Variants in COL22A1 observed in about 807,000 individuals in gnomAD.
The protein encoded by COL22A1 is collagen type XXII alpha 1 chain.
A neutral mutation model predicts 248.9 loss-of-function variants in COL22A1; 221 were observed. That is an observed-to-expected ratio of 0.89 (90% CI 0.80 to 0.99). COL22A1 has a LOEUF of 0.99. Among genes scored for constraint, COL22A1 ranks in the 50% least tolerant of loss-of-function variants. The pLI is 0.00. For synonymous variants in COL22A1, 891 were observed against 793.4 expected, an observed-to-expected ratio of 1.12 and a Z score of -2.07; for missense variants, 2,240 against 2,179.0, an observed-to-expected ratio of 1.03 and a Z score of -0.56.
chr8:138,606,796 G>A (rs1456841596), intron 57 of COL22A1, among the ~76,000 whole-genome samples: 12 of 152,190 alleles, frequency 7.9e-5, no homozygotes, highest in Admixed American at 7.9e-4. Context: ...CTGCCCATGA[G>A]GCGGCCAAAG....
At chr8:138,599,954 T>G (rs549759917) in intron 60 of COL22A1, among the ~76,000 whole-genome samples, 26 of 152,188 alleles carry the variant, frequency 1.7e-4, no homozygotes, top group Non-Finnish European at 3.5e-4. Context: ...GGCCTGGTTT[T>G]GCTCTCTAGA....
At position 138,715,655 on chromosome 8, in the gene COL22A1, G is replaced by T. The variant is rs781072637; in HGVS notation, c.2517+27C>A. The T allele has an allele frequency of 3.8e-6, 6 of 1,572,300 alleles. 1 individual carries two copies. The South Asian group carries it at 4.6e-5, about 12-fold the overall frequency. The stretch of plus-strand genomic sequence containing the variant: ...AAAACCCAACTAATAATAATTGATG[G>T]TCAGAATGAGAGCAAGTTTCTCCTA... On this transcript the variant is annotated intron_variant, in intron 30 of 64. Coordinates refer to ENST00000303045, the MANE Select transcript of COL22A1 (RefSeq NM_152888.3).
chr8:138,882,739 AACTCACACACATTCCCTCTC>A (rs1255217523), intron 2 of COL22A1, among the ~76,000 whole-genome samples: 1 of 148,070 alleles, frequency 6.8e-6, no homozygotes, highest in African/African-American at 2.5e-5. Context: ...CTCTTCCTCA[AACTCACACACATTCCCTCTC>A]ACTCCCTCGC....
At chr8:138,792,239 T>A (rs979461041) in intron 12 of COL22A1, among the ~76,000 whole-genome samples, 2 of 152,180 alleles carry the variant, frequency 1.3e-5, no homozygotes, top group African/African-American at 4.8e-5. Context: ...CTCTAGGCCC[T>A]TGTCTAGGCA....
At chr8:138,813,386 TA>T (rs1164648012) in intron 7 of COL22A1, among the ~76,000 whole-genome samples, 1 of 152,248 alleles carries the variant, frequency 6.6e-6, no homozygotes, top group Non-Finnish European at 1.5e-5. Flanking sequence ...GATGGTTTTA[TA>T]AGGGGTTTCC....
intron 1 of COL22A1, among the ~76,000 whole-genome samples, chr8:138,892,948 G>A (rs1586982154): frequency 6.6e-6 from 1 of 152,194 alleles, no homozygotes; most frequent in African/African-American, 2.4e-5. Context: ...TGGGACATAA[G>A]AGCATAGTAT....
chr8:138,735,801 CTAG>C (rs1373915976), intron 23 of COL22A1, among the ~76,000 whole-genome samples: 4 of 152,196 alleles, frequency 2.6e-5, no homozygotes, highest in Non-Finnish European at 5.9e-5. Flanking sequence ...CCATCTTTCA[CTAG>C]AGTGCTTTCA....
At chr8:138,907,364 C>T (rs759989749) in intron 1 of COL22A1, among the ~76,000 whole-genome samples, 4 of 152,192 alleles carry the variant, frequency 2.6e-5, no homozygotes, top group Admixed American at 6.5e-5. Context: ...ATAGTGTGAG[C>T]ATTTATTGGT....
chr8:138,759,958 T>G (rs1206165302), intron 18 of COL22A1, among the ~76,000 whole-genome samples: 1 of 151,906 alleles, frequency 6.6e-6, no homozygotes, highest in East Asian at 1.9e-4. Flanking sequence ...TTAATACATC[T>G]AAATATTATA....
At chr8:138,676,786 C>T (rs1341132093) in intron 40 of COL22A1, 151 bp from the exon 41 acceptor site, 2 of 605,974 alleles carry the variant, frequency 3.3e-6, no homozygotes, top group Non-Finnish European at 5.9e-6. Flanking sequence ...ACCCAGGCAG[C>T]CCATCATCCC....
rs1327636071 is a variant in COL22A1 at position 138,796,263 on chromosome 8, T to C, written c.1596+556A>G. Among the ~76,000 whole-genome samples, 3 of 152,228 alleles carry C rather than the reference T, an allele frequency of 2.0e-5. No individual in the cohort carries two copies. The East Asian group carries it at 5.8e-4, about 29-fold the overall frequency. On this transcript the variant is annotated intron_variant, in intron 12 of 64. Coordinates refer to ENST00000303045, the MANE Select transcript of COL22A1 (RefSeq NM_152888.3). ...ACTGCAGGTAAAAGAAGGTGCAACATGCATAGCTGGGGAGAACATCTTTAT... is the reference window on the plus strand; with the variant it reads ...ACTGCAGGTAAAAGAAGGTGCAACACGCATAGCTGGGGAGAACATCTTTAT...
At chr8:138,906,137 G>A (rs868597389) in intron 1 of COL22A1, among the ~76,000 whole-genome samples, 1 of 152,152 alleles carries the variant, frequency 6.6e-6, no homozygotes, top group Non-Finnish European at 1.5e-5. Flanking sequence ...TTGGGAGGCC[G>A]AGGCGGGCGG....
chr8:138,680,933 G>A (rs1386500214), intron 39 of COL22A1, among the ~76,000 whole-genome samples: 2 of 152,204 alleles, frequency 1.3e-5, no homozygotes, highest in South Asian at 2.1e-4. Flanking sequence ...TGAGACTCAC[G>A]GAGTTGAAAC....
intron 22 of COL22A1, among the ~76,000 whole-genome samples, chr8:138,742,376 A>G (rs1447139202): frequency 6.6e-5 from 9 of 135,672 alleles, no homozygotes; most frequent in South Asian, 2.4e-4. Flanking sequence ...GATGGTGATG[A>G]TGATGGTAGA....
At position 138,635,010 on chromosome 8, in the gene COL22A1, T is replaced by C. The variant is rs147655243; in HGVS notation, c.3609A>G (p.Pro1203=). 35 of 1,597,982 alleles carry C rather than the reference T, an allele frequency of 2.2e-5. No homozygotes were observed. In the African/African-American group the frequency reaches 4.2e-4, roughly 19 times the overall value. ...FMGPPGNPGP[P]GADGIAGAAG... ...GAGGGGATTAAAGATGATTACTTAC[T>C]GGTGGCCCAGGGTTCCCTGGGGGCC... The change falls in exon 49 of 65, where the codon CCA becomes CCG. Residue 1203 remains proline (P), a splice_region_variant and synonymous_variant. Coordinates refer to ENST00000303045, the MANE Select transcript of COL22A1 (RefSeq NM_152888.3).
At chr8:138,897,886 A>AGAAAT (rs1322206804) in intron 1 of COL22A1, among the ~76,000 whole-genome samples, 1 of 152,128 alleles carries the variant, frequency 6.6e-6, no homozygotes, top group Non-Finnish European at 1.5e-5. Flanking sequence ...TTTAAACAAC[A>AGAAAT]GAAATGTATT....
chr8:138,713,904 T>TG (rs1446778629), intron 30 of COL22A1, among the ~76,000 whole-genome samples: 3 of 152,102 alleles, frequency 2.0e-5, no homozygotes, highest in Non-Finnish European at 2.9e-5. Context: ...GGCTCCTGAG[T>TG]GGGGGCTGCT....
At chr8:138,659,240 G>T (rs2130652848) in intron 44 of COL22A1, among the ~76,000 whole-genome samples, 2 of 152,308 alleles carry the variant, frequency 1.3e-5, no homozygotes, top group African/African-American at 4.8e-5. Flanking sequence ...ATTGGAAGGT[G>T]TTCAGTGAGA....
intron 56 of COL22A1, among the ~76,000 whole-genome samples, chr8:138,611,049 C>G (rs1022580765): frequency 3.9e-5 from 6 of 152,144 alleles, no homozygotes; most frequent in African/African-American, 1.4e-4. Flanking sequence ...CTGGGCAACA[C>G]AGTGAGAGCC....
Sources: gnomAD v4.1 joint callset for allele counts (sites outside exome capture counted in the v4.1 genomes callset) on GRCh38, gnomAD v4.1.1 for gene constraint, MANE v1.5 for transcripts, NCBI Gene and HGNC (gene_info 2026-07-23, HGNC 2026-07-21) for gene names.